C8orf74: variants seen among roughly 807,000 people sequenced by gnomAD.
The protein encoded by C8orf74 is uncharacterized protein C8orf74.
Under a neutral mutation model 22.2 loss-of-function variants are expected in C8orf74, and 29 were observed. The observed-to-expected ratio is 1.31, with a 90% CI of 0.97 to 1.78. The LOEUF (loss-of-function observed/expected upper bound fraction) is 1.78. Ranked by LOEUF, C8orf74 falls within the 40% of genes most tolerant of loss-of-function variation. The probability of loss-of-function intolerance (pLI) is 0.00; values close to 1 mark genes in which losing one functional copy is unlikely to be tolerated. For missense variants in C8orf74, 515 were observed against 369.9 expected (o/e 1.39, Z -3.22); for synonymous variants, 255 against 163.1 (o/e 1.56, Z -4.30).
intron 3 of C8orf74, 97 bp downstream of exon 3, chr8:10,698,102 A>G: frequency 4.1e-6 from 5 of 1,229,212 alleles, no homozygotes; most frequent in Non-Finnish European, 5.4e-6. Flanking sequence ...TCAGTGGCAC[A>G]CAGGGGAGGG....
chr8:10,687,836 A>C (rs758470516), intron 2 of C8orf74, among the ~76,000 whole-genome samples: 14 of 152,190 alleles, frequency 9.2e-5, no homozygotes, highest in Non-Finnish European at 1.9e-4. Context: ...CATAAATTAT[A>C]AATCTTCATC....
At position 10,698,003 on chromosome 8, in the gene C8orf74, C is replaced by A; in HGVS notation, c.646C>A (p.Gln216Lys). 1 of 1,474,220 alleles carries A rather than the reference C, an allele frequency of 6.8e-7. No homozygotes were observed. The highest frequency in any genetic ancestry group is 9.0e-7 in the Non-Finnish European group (1 of 1,115,154). The allele number at this position is 1,474,220 out of a possible 1,614,324, so 91.3% of individuals were successfully genotyped here. ...GCAGCCCGGCCAGGTCCTGGAGAGA[C>A]AGGTGAGGCTCTGCCCCCCTGCCGT... ...PAQPGQVLER[Q>K]ELESLICQAV... is the part of the protein sequence containing the mutation. Residue 216 changes from glutamine (Q) to lysine (K), a missense_variant and splice_region_variant, in exon 3 of 4, where the codon CAG (glutamine) becomes AAG (lysine). Coordinates refer to ENST00000304519, the MANE Select transcript of C8orf74 (RefSeq NM_001040032.2).
intron 2 of C8orf74, chr8:10,692,453 T>C (rs961087223): frequency 2.0e-5 from 3 of 152,316 alleles, no homozygotes; most frequent in African/African-American, 7.2e-5. Flanking sequence ...GCCTCCATGG[T>C]GAAAGCCTTG....
chr8:10,682,908 C>T (rs1210041453), intron 2 of C8orf74, among the ~76,000 whole-genome samples: 1 of 152,270 alleles, frequency 6.6e-6, no homozygotes, highest in East Asian at 1.9e-4. Context: ...TGCAACCTGG[C>T]TTCGCAGGTG....
chr8:10,692,658 C>T (rs1018715685), intron 2 of C8orf74: 8 of 151,790 alleles, frequency 5.3e-5, no homozygotes, highest in African/African-American at 1.7e-4. Flanking sequence ...AGGCATGCAC[C>T]ACCATGCTGG....
chr8:10,691,354 A>G (rs1282774838), intron 2 of C8orf74: 1 of 178,204 alleles, frequency 5.6e-6, no homozygotes, highest in African/African-American at 2.3e-5. Flanking sequence ...CTCTTTTCAG[A>G]TCTGGGTTTT....
intron 2 of C8orf74, among the ~76,000 whole-genome samples, chr8:10,690,151 G>C (rs756430147): frequency 6.6e-6 from 1 of 152,152 alleles, no homozygotes; most frequent in Non-Finnish European, 1.5e-5. Context: ...GGATGGCCTG[G>C]AGTCTGAATA....
Position 10,698,002 on chromosome 8 carries a change from A to G in C8orf74, c.645A>G (p.Arg215=). The G allele has an allele frequency of 6.8e-7, 1 of 1,478,316 alleles. No individual in the cohort carries two copies. The highest frequency in any genetic ancestry group is 8.9e-7 in the Non-Finnish European group (1 of 1,117,352). 91.6% of individuals were successfully genotyped at this position (1,478,316 alleles called of 1,614,324 possible). A position where few individuals can be genotyped will look rare whatever the true frequency, so the allele number is the denominator to read the frequency against. The change falls in exon 3 of 4, where the codon AGA becomes AGG. Residue 215 remains arginine, a synonymous_variant. Coordinates refer to ENST00000304519, the MANE Select transcript of C8orf74 (RefSeq NM_001040032.2). Reference sequence around the variant, plus strand: ...CGCAGCCCGGCCAGGTCCTGGAGAGACAGGTGAGGCTCTGCCCCCCTGCCG... The same window carrying G: ...CGCAGCCCGGCCAGGTCCTGGAGAGGCAGGTGAGGCTCTGCCCCCCTGCCG... ...APAQPGQVLE[R]QELESLICQA... is the part of the protein sequence containing the mutation.
At chr8:10,699,288 G>A (rs912309792) in intron 3 of C8orf74, among the ~76,000 whole-genome samples, 2 of 152,316 alleles carry the variant, frequency 1.3e-5, no homozygotes, top group African/African-American at 4.8e-5. Context: ...TACACTGTGT[G>A]CCCCAGCTAT....
rs1300050776 is a variant in C8orf74 at position 10,698,072 on chromosome 8, T to A, written c.648+67T>A. The A allele has an allele frequency of 5.0e-6, 7 of 1,405,130 alleles. No individual in the cohort carries two copies. In the South Asian group the frequency reaches 9.0e-5, roughly 18 times the overall value. 87.0% of individuals were successfully genotyped at this position (1,405,130 alleles called of 1,614,324 possible). A position where few individuals can be genotyped will look rare whatever the true frequency, so the allele number is the denominator to read the frequency against. On this transcript the variant is annotated intron_variant, in intron 3 of 3. Coordinates refer to ENST00000304519, the MANE Select transcript of C8orf74 (RefSeq NM_001040032.2). ...GCAGAGACACCAGCCAGGGCTGGAG[T>A]CACTGCAGATGGGAGCTCCTCAGTG...
intron 2 of C8orf74, chr8:10,690,808 C>A (rs1026065915): frequency 2.2e-5 from 10 of 451,352 alleles, no homozygotes; most frequent in African/African-American, 1.6e-4. Flanking sequence ...GCCTAGCAAG[C>A]CTCCCCCGCC....
intron 2 of C8orf74, chr8:10,686,458 A>C (rs1049088554): frequency 6.6e-6 from 1 of 152,352 alleles, no homozygotes; most frequent in African/African-American, 2.4e-5. Context: ...CTGAGAGCTT[A>C]GCACTGGGCA....
At chr8:10,688,413 G>A (rs1799306374) in intron 2 of C8orf74, 1 of 152,206 alleles carries the variant, frequency 6.6e-6, no homozygotes. Context: ...TGTGCAGCCT[G>A]AGGTTAGCCT....
Position 10,697,936 on chromosome 8 carries a change from G to C in C8orf74, c.579G>C (p.Arg193=). 6.3e-7 allele frequency: 1 copy of C among 1,584,284 alleles called. No homozygotes were observed. The highest frequency in any genetic ancestry group is 8.6e-7 in the Non-Finnish European group (1 of 1,165,894). The part of the protein sequence containing the change: ...LLLKEALRLE[R]ENSLQKAFAA... ...TGAAAGAGGCGCTGCGCCTGGAGCG[G>C]GAGAACTCGCTGCAGAAGGCGTTCG... Residue 193 remains arginine, a synonymous_variant, in exon 3 of 4, where the codon CGG becomes CGC. Transcript: ENST00000304519.
At chr8:10,688,616 T>C (rs1397382641) in intron 2 of C8orf74, 1 of 152,290 alleles carries the variant, frequency 6.6e-6, no homozygotes, top group East Asian at 1.9e-4. Context: ...CACACAGCTA[T>C]TGAATCCTTG....
chr8:10,683,254 G>T (rs1024594391), intron 2 of C8orf74, among the ~76,000 whole-genome samples: 3 of 152,240 alleles, frequency 2.0e-5, no homozygotes, highest in Non-Finnish European at 2.9e-5. Flanking sequence ...CAGCAGGAAG[G>T]CTCCAGGATG....
chr8:10,687,279 C>T (rs1799281067), intron 2 of C8orf74: 2 of 358,816 alleles, frequency 5.6e-6, no homozygotes, highest in South Asian at 2.0e-5. Flanking sequence ...CAGGTAAGAA[C>T]ACTGCTGCCC....
chr8:10,683,314 G>C (rs1284696564), intron 2 of C8orf74, among the ~76,000 whole-genome samples: 1 of 152,226 alleles, frequency 6.6e-6, no homozygotes, highest in Non-Finnish European at 1.5e-5. Context: ...CTTTGGCTAA[G>C]GTGTCCTGGC....
At chr8:10,697,534 C>A in intron 2 of C8orf74, 65 bp from the exon 3 acceptor site, 1 of 1,447,608 alleles carries the variant, frequency 6.9e-7, no homozygotes, top group Non-Finnish European at 9.6e-7. Flanking sequence ...GCAGAGCCCA[C>A]ATCCACTGCC....
Sources: allele counts gnomAD v4.1 joint callset (sites outside exome capture counted in the v4.1 genomes callset), GRCh38; gene constraint gnomAD v4.1.1; transcripts MANE v1.5; gene names NCBI Gene and HGNC (gene_info 2026-07-23, HGNC 2026-07-21).